Variants in SYT10 observed in about 807,000 individuals in gnomAD.
SYT10 encodes the protein synaptotagmin-10.
SYT10 carries 31 observed loss-of-function variants against 51.1 expected under a neutral mutation model. That is an observed-to-expected ratio of 0.61 (90% confidence interval 0.46 to 0.82). The LOEUF is 0.82. Ranked by LOEUF, SYT10 falls within the 40% of genes least tolerant of loss-of-function variation. The pLI, the probability that SYT10 is intolerant of heterozygous loss-of-function variation, is 0.00. For synonymous variants in SYT10, 233 were observed against 225.9 expected (o/e 1.03, Z -0.28); for missense variants, 603 against 634.0 (o/e 0.95, Z 0.53).
intron 2 of SYT10, among the ~76,000 whole-genome samples, chr12:33,416,468 T>C (rs1164625665): frequency 6.6e-6 from 1 of 152,214 alleles, no homozygotes; most frequent in African/African-American, 2.4e-5. Context: ...CTGTTAGTGA[T>C]CTATTGATAT....
chr12:33,438,000 G>C (rs1431353148), intron 1 of SYT10, among the ~76,000 whole-genome samples: 1 of 152,052 alleles, frequency 6.6e-6, no homozygotes, highest in Non-Finnish European at 1.5e-5. Context: ...GCTCTGCCAA[G>C]TGCAGACAGA....
At chr12:33,394,969 T>C (rs1452768989) in intron 3 of SYT10, among the ~76,000 whole-genome samples, 1 of 152,120 alleles carries the variant, frequency 6.6e-6, no homozygotes, top group African/African-American at 2.4e-5. Flanking sequence ...GTGCCTGTAG[T>C]CCCAGGTACT....
chr12:33,415,731 GT>G (rs1489607276), intron 2 of SYT10, among the ~76,000 whole-genome samples: 2 of 152,076 alleles, frequency 1.3e-5, no homozygotes, highest in Non-Finnish European at 2.9e-5. Flanking sequence ...GGTAAACAAA[GT>G]TTTTATTCTG....
chr12:33,433,626 C>T (rs933224415), intron 1 of SYT10, among the ~76,000 whole-genome samples: 1 of 152,026 alleles, frequency 6.6e-6, no homozygotes, highest in African/African-American at 2.4e-5. Context: ...AACACCTACT[C>T]GTGTACACTG....
intron 2 of SYT10, among the ~76,000 whole-genome samples, chr12:33,408,993 T>C (rs1444641533): frequency 6.6e-6 from 1 of 152,088 alleles, no homozygotes; most frequent in Non-Finnish European, 1.5e-5. Flanking sequence ...CAGATCCTTA[T>C]CTCCATATAT....
In SYT10 at chr12:33,404,504, G is replaced by A. The variant is rs1228402532; in HGVS notation, c.1077+2285C>T. 2.6e-5 allele frequency among the ~76,000 whole-genome samples: 4 copies of A among 152,090 alleles called. No individual in the cohort carries two copies. In the South Asian group the frequency reaches 8.3e-4, roughly 32 times the overall value. Reference sequence around the variant, plus strand: ...CCTCCCGGGTTCAAGCAATTCTCCTGATTCAGCCTCCCAAGTAGCTGGGAT... The same window carrying A: ...CCTCCCGGGTTCAAGCAATTCTCCTAATTCAGCCTCCCAAGTAGCTGGGAT... On this transcript the variant is annotated intron_variant, in intron 3 of 6. Transcript: ENST00000228567.
chr12:33,381,993 C>T (rs374002868), intron 5 of SYT10, among the ~76,000 whole-genome samples: 1 of 152,080 alleles, frequency 6.6e-6, no homozygotes, highest in Non-Finnish European at 1.5e-5. Flanking sequence ...TGATAGAACT[C>T]GGGTAAGCAT....
At chr12:33,401,234 T>C (rs1866301652) in intron 3 of SYT10, among the ~76,000 whole-genome samples, 1 of 152,188 alleles carries the variant, frequency 6.6e-6, no homozygotes, top group Non-Finnish European at 1.5e-5. Context: ...TGTCTTTACA[T>C]AGACTTTTTT....
At chr12:33,436,278 AG>A (rs1387523415) in intron 1 of SYT10, among the ~76,000 whole-genome samples, 2 of 152,162 alleles carry the variant, frequency 1.3e-5, no homozygotes, top group African/African-American at 4.8e-5. Context: ...ATTTTCCCTA[AG>A]CATTCTAATA....
intron 1 of SYT10, among the ~76,000 whole-genome samples, chr12:33,434,086 C>T (rs1866618509): frequency 6.6e-6 from 1 of 152,154 alleles, no homozygotes; most frequent in African/African-American, 2.4e-5. Flanking sequence ...ACTTAGCACA[C>T]TAACATGCTT....
intron 5 of SYT10, among the ~76,000 whole-genome samples, chr12:33,382,024 C>T (rs1218179536): frequency 1.3e-5 from 2 of 152,068 alleles, no homozygotes; most frequent in Non-Finnish European, 2.9e-5. Context: ...ATATTCCAGC[C>T]TAGTTGGTAA....
intron 3 of SYT10, among the ~76,000 whole-genome samples, chr12:33,403,342 CT>C (rs1866322912): frequency 6.6e-6 from 1 of 151,492 alleles, no homozygotes; most frequent in Non-Finnish European, 1.5e-5. Flanking sequence ...AGTGATTCTC[CT>C]GCCTCAGCCT....
chr12:33,396,412 T>G (rs1186430352), intron 3 of SYT10, among the ~76,000 whole-genome samples: 4 of 152,160 alleles, frequency 2.6e-5, no homozygotes, highest in African/African-American at 9.6e-5. Context: ...ATATAATTAA[T>G]GGTCACAAAG....
At chr12:33,421,968 C>A (rs533759953) in intron 2 of SYT10, among the ~76,000 whole-genome samples, 3 of 151,842 alleles carry the variant, frequency 2.0e-5, no homozygotes, top group South Asian at 2.1e-4. Context: ...AGTGAGCAAC[C>A]ATGGAAGATC....
Position 33,415,351 on chromosome 12 carries a change from G to A in SYT10, c.510-7995C>T, listed in dbSNP as rs550009821. ...ACATATGCCATAATGGTTTTGACAA[G>A]CTCAAATCTAGGCTTCCTGGGGATG... is the stretch of plus-strand genomic sequence containing the variant. On this transcript the variant is annotated intron_variant, in intron 2 of 6. Coordinates refer to ENST00000228567, the MANE Select transcript of SYT10 (RefSeq NM_198992.4). Among the ~76,000 whole-genome samples, 4 of 152,226 alleles carry A rather than the reference G, an allele frequency of 2.6e-5. No homozygotes were observed. In the East Asian group the frequency reaches 7.7e-4, roughly 29 times the overall value.
intron 1 of SYT10, among the ~76,000 whole-genome samples, chr12:33,429,297 T>C (rs116156543): frequency 6.6e-6 from 1 of 152,180 alleles, no homozygotes; most frequent in Non-Finnish European, 1.5e-5. Flanking sequence ...ATAACTATAT[T>C]TTTCTCTCCA....
At chr12:33,415,020 T>C (rs1326039150) in intron 2 of SYT10, among the ~76,000 whole-genome samples, 2 of 152,158 alleles carry the variant, frequency 1.3e-5, no homozygotes, top group Non-Finnish European at 2.9e-5. Flanking sequence ...GGAAACTCAC[T>C]GGAATACGAG....
chr12:33,394,423 TA>T (rs1321873905), intron 3 of SYT10, among the ~76,000 whole-genome samples: 1 of 152,226 alleles, frequency 6.6e-6, no homozygotes, highest in Non-Finnish European at 1.5e-5. Flanking sequence ...GTAATACATT[TA>T]AGAAATCTAA....
chr12:33,406,275 A>C (rs1866352119), intron 3 of SYT10, among the ~76,000 whole-genome samples: 1 of 152,126 alleles, frequency 6.6e-6, no homozygotes, highest in South Asian at 2.1e-4. Context: ...CATATATTGT[A>C]ATTGTGTGTA....
Sources: gnomAD v4.1 joint callset for allele counts (sites outside exome capture counted in the v4.1 genomes callset) on GRCh38, gnomAD v4.1.1 for gene constraint, MANE v1.5 for transcripts, NCBI Gene and HGNC (gene_info 2026-07-23, HGNC 2026-07-21) for gene names.